LRP1B: variants seen among roughly 807,000 people sequenced by gnomAD.
LRP1B encodes the protein LDL receptor related protein 1B.
LRP1B carries 217 observed loss-of-function variants against 556.6 expected under a neutral mutation model. The observed-to-expected ratio is 0.39, with a 90% CI of 0.35 to 0.44. The LOEUF (loss-of-function observed/expected upper bound fraction) is 0.44. Among genes scored for constraint, LRP1B ranks in the 20% least tolerant of loss-of-function variants. The probability of loss-of-function intolerance (pLI) is 1.00; values close to 1 mark genes in which losing one functional copy is unlikely to be tolerated. For synonymous variants in LRP1B, 2,047 were observed against 1,865.8 expected, an observed-to-expected ratio of 1.10 and a Z score of -2.50; for missense variants, 5,053 against 5,620.8, an observed-to-expected ratio of 0.90 and a Z score of 3.23.
chr2:140,826,042 A>G (rs941794844), intron 31 of LRP1B, among the ~76,000 whole-genome samples: 1 of 152,208 alleles, frequency 6.6e-6, no homozygotes, highest in African/African-American at 2.4e-5. Flanking sequence ...GGCCTTATGA[A>G]CAGAATTGAG....
At chr2:141,267,502 G>A (rs1055603059) in intron 3 of LRP1B, among the ~76,000 whole-genome samples, 1 of 152,050 alleles carries the variant, frequency 6.6e-6, no homozygotes, top group Non-Finnish European at 1.5e-5. Flanking sequence ...GCAAAGCCAG[G>A]GTGTTTGGGA....
intron 46 of LRP1B, among the ~76,000 whole-genome samples, chr2:140,536,333 AAAAAAAAAAG>A (rs1464302148): frequency 1.4e-5 from 2 of 146,720 alleles, no homozygotes; most frequent in African/African-American, 2.5e-5. Flanking sequence ...AAAAAAAAAA[AAAAAAAAAAG>A]GCTATTTTGT....
At chr2:141,602,187 A>G (rs1687771107) in intron 2 of LRP1B, among the ~76,000 whole-genome samples, 1 of 152,176 alleles carries the variant, frequency 6.6e-6, no homozygotes, top group Admixed American at 6.5e-5. Context: ...AGGTCTCTGA[A>G]TAGTCTTCAG....
At chr2:141,127,883 G>A (rs1701255090) in intron 7 of LRP1B, among the ~76,000 whole-genome samples, 1 of 152,154 alleles carries the variant, frequency 6.6e-6, no homozygotes, top group African/African-American at 2.4e-5. Context: ...CTCTGAGATA[G>A]TCCTATTCAA....
Position 141,188,593 on chromosome 2 carries a change from AC to A in LRP1B, c.851-11del. On this transcript the variant is annotated splice_polypyrimidine_tract_variant and intron_variant, in intron 6 of 90. Transcript: ENST00000389484. ...GCCATTTGTTGCACATCTGAAAAAC[AC>A]ATACACAAAATCATTGAATCACAGG... The A allele has an allele frequency of 6.2e-7, 1 of 1,610,588 alleles. No homozygotes were observed. Among genetic ancestry groups the A allele is most frequent in the South Asian group, 1.1e-5 (1 of 90,880 alleles).
intron 2 of LRP1B, among the ~76,000 whole-genome samples, chr2:141,687,718 C>G (rs1691364057): frequency 6.6e-6 from 1 of 151,730 alleles, no homozygotes; most frequent in Non-Finnish European, 1.5e-5. Flanking sequence ...CAAGAAATTT[C>G]TTTTTCCACG....
rs41324248 is a variant in LRP1B at position 141,922,729 on chromosome 2, T to C, written c.83-112328A>G. On this transcript the variant is annotated intron_variant, in intron 1 of 90. Transcript: ENST00000389484. ...GGGTCATTCACTAGTGTCAAGAAAT[T>C]GAGTCTAGAGTCACACATATTTCAC... Among the ~76,000 whole-genome samples, 425 of 152,216 alleles carry C rather than the reference T, an allele frequency of 2.8e-3. 2 individuals carry two copies. The highest frequency in any genetic ancestry group is 9.7e-3 in the African/African-American group (402 of 41,528).
At chr2:140,792,121 C>A (rs6720709) in intron 32 of LRP1B, among the ~76,000 whole-genome samples, 64,974 of 152,002 alleles carry the variant, frequency 0.43, 15,640 homozygotes, top group East Asian at 0.57. Flanking sequence ...CTCGCTTTCC[C>A]ACAGTGGTCA....
At chr2:141,178,975 C>T (rs1680870120) in intron 7 of LRP1B, among the ~76,000 whole-genome samples, 1 of 152,038 alleles carries the variant, frequency 6.6e-6, no homozygotes. Context: ...AAGCAACTAT[C>T]ATTAGCCTAC....
At chr2:141,077,012 C>T (rs547746992) in intron 7 of LRP1B, among the ~76,000 whole-genome samples, 45 of 152,042 alleles carry the variant, frequency 3.0e-4, no homozygotes, top group Non-Finnish European at 5.0e-4. Flanking sequence ...TTTGGGAGGC[C>T]GAGGTGGGCA....
At chr2:141,883,697 T>G (rs1392957659) in intron 1 of LRP1B, among the ~76,000 whole-genome samples, 2 of 152,096 alleles carry the variant, frequency 1.3e-5, no homozygotes, top group African/African-American at 2.4e-5. Flanking sequence ...GCACTTTAGC[T>G]TGGGTGACAG....
intron 7 of LRP1B, among the ~76,000 whole-genome samples, chr2:141,179,543 T>C (rs902372561): frequency 1.3e-5 from 2 of 152,056 alleles, no homozygotes; most frequent in Non-Finnish European, 2.9e-5. Context: ...ACATTTTATC[T>C]GTAGTTAATG....
chr2:141,579,594 T>C (rs1686887165), intron 2 of LRP1B, among the ~76,000 whole-genome samples: 1 of 152,044 alleles, frequency 6.6e-6, no homozygotes, highest in Admixed American at 6.6e-5. Context: ...CAGAATAGAC[T>C]AGCATAAAAT....
chr2:142,013,840 G>C (rs1256372783), intron 1 of LRP1B, among the ~76,000 whole-genome samples: 1 of 151,892 alleles, frequency 6.6e-6, no homozygotes, highest in Admixed American at 6.6e-5. Flanking sequence ...AATGAGCCTG[G>C]GACTTGCTGG....
At chr2:141,183,404 A>G (rs566582157) in intron 7 of LRP1B, among the ~76,000 whole-genome samples, 3 of 152,178 alleles carry the variant, frequency 2.0e-5, no homozygotes, top group Admixed American at 1.3e-4. Context: ...CTTTGATTCA[A>G]TCTTTAATTT....
chr2:141,618,809 G>A (rs970554832), intron 2 of LRP1B, among the ~76,000 whole-genome samples: 1 of 152,200 alleles, frequency 6.6e-6, no homozygotes, highest in Non-Finnish European at 1.5e-5. Flanking sequence ...CACCTCATGT[G>A]ATAGGATTAA....
chr2:141,644,238 C>T (rs529611653), intron 2 of LRP1B, among the ~76,000 whole-genome samples: 35 of 152,028 alleles, frequency 2.3e-4, no homozygotes, highest in African/African-American at 7.0e-4. Flanking sequence ...GGGAGGAACC[C>T]GGTGGGAGGT....
intron 3 of LRP1B, among the ~76,000 whole-genome samples, chr2:141,409,242 C>T (rs563534749): frequency 8.5e-5 from 13 of 152,226 alleles, no homozygotes; most frequent in African/African-American, 2.6e-4. Flanking sequence ...TATGTTTATT[C>T]GGTGACAGTA....
intron 85 of LRP1B, among the ~76,000 whole-genome samples, chr2:140,272,316 C>T (rs1374372314): frequency 1.3e-5 from 2 of 149,716 alleles, no homozygotes; most frequent in Non-Finnish European, 3.0e-5. Flanking sequence ...TATCACTTTC[C>T]AAAAGTTAAT....
Sources: allele counts gnomAD v4.1 joint callset (sites outside exome capture counted in the v4.1 genomes callset), GRCh38; gene constraint gnomAD v4.1.1; transcripts MANE v1.5; gene names NCBI Gene and HGNC (gene_info 2026-07-23, HGNC 2026-07-21).